The following PDZD2 variants were observed in gnomAD, a reference collection of about 807,000 sequenced individuals.
PDZD2 encodes the protein PDZ domain-containing protein 2.
In PDZD2, 90 loss-of-function variants were observed where a neutral mutation model predicts 220.7. That is an observed-to-expected ratio of 0.41 (90% confidence interval 0.34 to 0.49). The LOEUF is 0.49. Ranked by LOEUF, PDZD2 falls within the 20% of genes least tolerant of loss-of-function variation. PDZD2 has a pLI of 0.28. For synonymous variants in PDZD2, 1,375 were observed against 1,450.5 expected, an observed-to-expected ratio of 0.95 and a Z score of 1.18; for missense variants, 3,174 against 3,608.5, an observed-to-expected ratio of 0.88 and a Z score of 3.08.
intron 1 of PDZD2, among the ~76,000 whole-genome samples, chr5:31,723,345 T>G (rs1167082015): frequency 7.1e-6 from 1 of 139,916 alleles, no homozygotes; most frequent in African/African-American, 3.1e-5. Flanking sequence ...TTTTGTTTTG[T>G]TTTTTTTTTC....
At chr5:31,693,492 G>C (rs1337617146) in intron 1 of PDZD2, among the ~76,000 whole-genome samples, 1 of 151,948 alleles carries the variant, frequency 6.6e-6, no homozygotes, top group East Asian at 1.9e-4. Flanking sequence ...TGCCCACCTC[G>C]GCCTTCCAAA....
intron 2 of PDZD2, among the ~76,000 whole-genome samples, chr5:31,897,548 CTCTG>C (rs958862911): frequency 6.6e-6 from 1 of 152,190 alleles, no homozygotes. Flanking sequence ...AGTTGAATCT[CTCTG>C]TCCCCCAGCA....
chr5:31,834,942 T>G, intron 2 of PDZD2, among the ~76,000 whole-genome samples: 1 of 151,260 alleles, frequency 6.6e-6, no homozygotes, highest in East Asian at 1.9e-4. Context: ...TCTTTATATA[T>G]ATGTAAAGAG....
At chr5:31,702,399 G>T (rs1249855744) in intron 1 of PDZD2, among the ~76,000 whole-genome samples, 2 of 152,116 alleles carry the variant, frequency 1.3e-5, no homozygotes, top group Non-Finnish European at 2.9e-5. Context: ...CCCTACCTTC[G>T]GCCTTGGACC....
At chr5:31,644,939 A>C (rs1288872019) in intron 1 of PDZD2, among the ~76,000 whole-genome samples, 1 of 152,212 alleles carries the variant, frequency 6.6e-6, no homozygotes, top group African/African-American at 2.4e-5. Flanking sequence ...TTGGAGAAGC[A>C]GCATTGGGGG....
chr5:32,110,793 A>C lies in PDZD2; in HGVS notation c.*2658A>C, dbSNP rs1382512451. ...ATTTATGTAAAGTAAAATGCCTTAT[A>C]TATTAAAGAGTAAGTGCAATAATAT... On this transcript the variant is annotated 3_prime_UTR_variant, in exon 25 of 25. Transcript: ENST00000438447. 6.6e-6 allele frequency: 1 copy of C among 152,620 alleles called. No individual in the cohort carries two copies. Among genetic ancestry groups the C allele is most frequent in the Non-Finnish European group, 1.5e-5 (1 of 68,040 alleles). The allele number at this position is 152,620 out of a possible 1,614,324, so 9.5% of individuals were successfully genotyped here.
Position 32,090,078 on chromosome 5 carries a change from C to A in PDZD2, c.6630C>A (p.Asp2210Glu). Residue 2210 changes from aspartate to glutamate, a missense_variant, in exon 20 of 25, where the codon GAC becomes GAA. Transcript: ENST00000438447. This position sits in a 1 kb window ranked among gnomAD's most constrained non-coding sequence, Gnocchi z 4.3. ...TTCCAGGGGGCCCCTCGGGGGAGGA[C>A]CATCTCTACTTCACCCCAAGGCCAG... ...NSIPGGPSGEDHLYFTPRPAT... is the reference protein window; with the variant it reads ...NSIPGGPSGEEHLYFTPRPAT... 6.2e-7 allele frequency: 1 copy of A among 1,613,758 alleles called. No homozygotes were observed. The highest frequency in any genetic ancestry group is 8.5e-7 in the Non-Finnish European group (1 of 1,179,968).
intron 1 of PDZD2, among the ~76,000 whole-genome samples, chr5:31,659,858 G>A (rs187748928): frequency 6.6e-6 from 1 of 152,326 alleles, no homozygotes; most frequent in African/African-American, 2.4e-5. Context: ...TTACAAGATT[G>A]AGCTGGGTGG....
At chr5:31,957,353 A>G (rs2111664208) in intron 2 of PDZD2, among the ~76,000 whole-genome samples, 2 of 152,354 alleles carry the variant, frequency 1.3e-5, no homozygotes, top group South Asian at 4.1e-4. Context: ...ATCTAGCACA[A>G]GAGCCCACAC....
At chr5:32,082,236 G>A (rs1438178853) in intron 19 of PDZD2, among the ~76,000 whole-genome samples, 1 of 148,356 alleles carries the variant, frequency 6.7e-6, no homozygotes, top group African/African-American at 2.5e-5. Context: ...TGGCCAGGCT[G>A]GTCTCGAACT....
chr5:32,023,222 C>T (rs547793115), intron 6 of PDZD2, among the ~76,000 whole-genome samples: 3 of 152,102 alleles, frequency 2.0e-5, no homozygotes, highest in South Asian at 4.2e-4. Context: ...TCATGTCATC[C>T]CCTCCTGCTC....
chr5:31,937,882 C>T (rs1165235134), intron 2 of PDZD2, among the ~76,000 whole-genome samples: 4 of 152,194 alleles, frequency 2.6e-5, no homozygotes, highest in South Asian at 2.1e-4. Flanking sequence ...CTGCTGGAAG[C>T]GGTGTTCAGC....
At chr5:32,033,416 C>T (rs896596088) in intron 6 of PDZD2, among the ~76,000 whole-genome samples, 3 of 152,132 alleles carry the variant, frequency 2.0e-5, no homozygotes, top group South Asian at 2.1e-4. Context: ...ACAAACTCAA[C>T]GAAAAAACAG....
intron 2 of PDZD2, among the ~76,000 whole-genome samples, chr5:31,878,130 T>G (rs1262254994): frequency 1.3e-5 from 2 of 152,206 alleles, no homozygotes; most frequent in Non-Finnish European, 2.9e-5. Context: ...ATACCATGAC[T>G]GTAATTGATA....
intron 2 of PDZD2, among the ~76,000 whole-genome samples, chr5:31,961,977 A>G (rs1748282609): frequency 6.6e-6 from 1 of 152,176 alleles, no homozygotes; most frequent in African/African-American, 2.4e-5. Context: ...CTCCAGGTAG[A>G]GAGAGAATTG....
At chr5:32,056,204 T>C (rs982495016) in intron 10 of PDZD2, among the ~76,000 whole-genome samples, 1 of 152,236 alleles carries the variant, frequency 6.6e-6, no homozygotes, top group Non-Finnish European at 1.5e-5. Flanking sequence ...TTATGCCAGA[T>C]TTTTAAACAG....
chr5:31,966,189 AAGAC>A (rs1397347618), intron 2 of PDZD2, among the ~76,000 whole-genome samples: 2 of 152,170 alleles, frequency 1.3e-5, no homozygotes, highest in African/African-American at 2.4e-5. Context: ...TTACCTTTAA[AAGAC>A]AGATTATGAA....
chr5:31,642,091 C>T (rs1008539519), intron 1 of PDZD2, among the ~76,000 whole-genome samples: 7 of 152,112 alleles, frequency 4.6e-5, no homozygotes, highest in African/African-American at 1.4e-4. Context: ...CTAAGTGACT[C>T]GGACCATGGT....
At chr5:32,009,433 G>A (rs1342830577) in intron 5 of PDZD2, among the ~76,000 whole-genome samples, 4 of 151,930 alleles carry the variant, frequency 2.6e-5, no homozygotes, top group Admixed American at 2.6e-4. Context: ...GGGGAGGCCA[G>A]CAGAGGATCT....
Sources: gnomAD v4.1 joint callset for allele counts (sites outside exome capture counted in the v4.1 genomes callset) on GRCh38, gnomAD v4.1.1 for gene constraint, Gnocchi (gnomAD v3.1) non-coding constraint, MANE v1.5 for transcripts, NCBI Gene and HGNC (gene_info 2026-07-23, HGNC 2026-07-21) for gene names.